TLK2: variants seen among roughly 807,000 people sequenced by gnomAD.
TLK2 encodes the protein serine/threonine-protein kinase tousled-like 2.
In TLK2, 6 loss-of-function variants were observed where a neutral mutation model predicts 117.3. That is an observed-to-expected ratio of 0.05 (90% CI 0.03 to 0.10). The LOEUF is 0.10. Ranked by LOEUF, TLK2 falls within the 10% of genes least tolerant of loss-of-function variation. TLK2 has a pLI of 1.00. For missense variants in TLK2, 299 were observed against 901.2 expected (o/e 0.33, Z 8.56); for synonymous variants, 257 against 316.7 (o/e 0.81, Z 2.00).
intron 2 of TLK2, among the ~76,000 whole-genome samples, chr17:62,518,715 A>C (rs1490618899): frequency 2.0e-5 from 3 of 152,130 alleles, no homozygotes; most frequent in Non-Finnish European, 2.9e-5. Context: ...CCAAAAAAAA[A>C]AGAAAGAAAG....
chr17:62,574,722 G>A (rs2080628466), intron 12 of TLK2, among the ~76,000 whole-genome samples: 1 of 152,074 alleles, frequency 6.6e-6, no homozygotes, highest in Non-Finnish European at 1.5e-5. Context: ...CTCCATGTTG[G>A]CCAGGCTGGT....
At chr17:62,483,949 C>T (rs2072014567) in intron 2 of TLK2, among the ~76,000 whole-genome samples, 1 of 152,102 alleles carries the variant, frequency 6.6e-6, no homozygotes, top group African/African-American at 2.4e-5. Context: ...CCTCAGCCTC[C>T]TGAGTAGCTG....
intron 7 of TLK2, among the ~76,000 whole-genome samples, chr17:62,545,315 C>G (rs2077823072): frequency 6.6e-6 from 1 of 152,146 alleles, no homozygotes; most frequent in South Asian, 2.1e-4. Context: ...AAGGTTTAAG[C>G]AAGTTTTAAA....
chr17:62,473,608 T>C (rs1371684914), intron 1 of TLK2, among the ~76,000 whole-genome samples: 1 of 152,098 alleles, frequency 6.6e-6, no homozygotes. Flanking sequence ...ATTCTGGGGG[T>C]GGGGCCCAGC....
intron 2 of TLK2, among the ~76,000 whole-genome samples, chr17:62,497,616 A>G (rs1409245844): frequency 1.3e-5 from 2 of 152,206 alleles, no homozygotes; most frequent in Admixed American, 6.5e-5. Context: ...GGTAAGTTTT[A>G]CTACAGGGAG....
At position 62,592,508 on chromosome 17, in the gene TLK2, T is replaced by C. The variant is rs141386466; in HGVS notation, c.1461-4077T>C. Among the ~76,000 whole-genome samples the C allele has an allele frequency of 3.6e-3, 548 of 152,322 alleles. 2 individuals carry two copies. Among genetic ancestry groups the C allele is most frequent in the African/African-American group, 0.012 (515 of 41,570 alleles). On this transcript the variant is annotated intron_variant, in intron 16 of 21. Coordinates refer to ENST00000346027, the MANE Select transcript of TLK2 (RefSeq NM_006852.6). The stretch of plus-strand genomic sequence containing the variant: ...TGCAAACATCACAGAGTGTACTTAA[T>C]GTAAGCTTAGATGGTATAGCCTACT...
chr17:62,484,589 C>T lies in TLK2; in HGVS notation c.81+3383C>T, dbSNP rs145042309. Among the ~76,000 whole-genome samples the T allele has an allele frequency of 3.8e-3, 576 of 152,100 alleles. 4 individuals carry two copies. Among genetic ancestry groups the T allele is most frequent in the African/African-American group, 0.013 (551 of 41,492 alleles). On this transcript the variant is annotated intron_variant, in intron 2 of 21. Transcript: ENST00000346027. ...CTGGGATTATAGGTGTGAGCCATCG[C>T]GCCCAGCCTTTGTATTACTTCTTTT...
chr17:62,601,055 G>T lies in TLK2; in HGVS notation c.1720+235G>T, dbSNP rs79786512. On this transcript the variant is annotated intron_variant, in intron 18 of 21. Transcript: ENST00000346027. Reference sequence around the variant, plus strand: ...CAATACCTTTATCTTTGGAGCCAGGGCAGTTCATGATGTAAGTCTCATTAA... The same window carrying T: ...CAATACCTTTATCTTTGGAGCCAGGTCAGTTCATGATGTAAGTCTCATTAA... Among the ~76,000 whole-genome samples the T allele has an allele frequency of 2.0e-5, 3 of 152,110 alleles. No individual in the cohort carries two copies. In the East Asian group the frequency reaches 5.8e-4, roughly 29 times the overall value.
intron 2 of TLK2, among the ~76,000 whole-genome samples, chr17:62,502,197 A>G (rs2074262494): frequency 6.6e-6 from 1 of 152,138 alleles, no homozygotes; most frequent in South Asian, 2.1e-4. Context: ...CTAGCAGTGA[A>G]TAAAACCATA....
At chr17:62,554,932 C>T (rs2078737285) in intron 9 of TLK2, among the ~76,000 whole-genome samples, 1 of 150,770 alleles carries the variant, frequency 6.6e-6, no homozygotes, top group South Asian at 2.1e-4. Context: ...ATGTGTCACT[C>T]ATAATTCCAT....
At chr17:62,541,333 C>T (rs2077518743) in intron 7 of TLK2, among the ~76,000 whole-genome samples, 1 of 152,142 alleles carries the variant, frequency 6.6e-6, no homozygotes, top group South Asian at 2.1e-4. Flanking sequence ...CTCTAATGCC[C>T]AGAACGGGAC....
intron 7 of TLK2, among the ~76,000 whole-genome samples, chr17:62,539,625 G>A (rs967850567): frequency 1.3e-5 from 2 of 151,938 alleles, no homozygotes; most frequent in African/African-American, 2.4e-5. Context: ...GAGTACAGGC[G>A]TTGGCTACCA....
intron 12 of TLK2, chr17:62,574,416 A>G (rs780493295): frequency 3.3e-6 from 4 of 1,222,256 alleles, no homozygotes; most frequent in South Asian, 2.6e-5. Flanking sequence ...CTTAGGTGAG[A>G]TGAACAGACG....
At chr17:62,506,074 T>C (rs2074663590) in intron 2 of TLK2, among the ~76,000 whole-genome samples, 2 of 152,238 alleles carry the variant, frequency 1.3e-5, no homozygotes, top group Admixed American at 6.5e-5. Flanking sequence ...CTTGGAAATA[T>C]GTAATTTAGA....
chr17:62,591,216 CCCAGCCTGGGCG>C (rs2082056516), intron 16 of TLK2, among the ~76,000 whole-genome samples: 2 of 151,920 alleles, frequency 1.3e-5, no homozygotes, highest in South Asian at 4.2e-4. Flanking sequence ...ACCACTGCAC[CCCAGCCTGGGCG>C]CCAGAGCAAG....
intron 2 of TLK2, among the ~76,000 whole-genome samples, chr17:62,499,602 C>T (rs200880148): frequency 4.6e-5 from 7 of 151,978 alleles, no homozygotes; most frequent in Non-Finnish European, 8.8e-5. Flanking sequence ...GTAATCCTAG[C>T]ACTTTGGGAG....
At chr17:62,550,262 TGA>T (rs2078347525) in intron 7 of TLK2, 1 of 152,302 alleles carries the variant, frequency 6.6e-6, no homozygotes, top group African/African-American at 2.4e-5. Flanking sequence ...ATTACAGACA[TGA>T]GCCACTGTGC....
chr17:62,589,839 C>T (rs1209403965), intron 16 of TLK2, among the ~76,000 whole-genome samples: 1 of 151,934 alleles, frequency 6.6e-6, no homozygotes, highest in East Asian at 2.0e-4. Context: ...CAGAGTCTCA[C>T]TCTGTTGCCC....
chr17:62,479,039 C>G lies in TLK2; in HGVS notation c.-257C>G, dbSNP rs2071273883. 6.6e-6 allele frequency: 1 copy of G among 150,434 alleles called. No individual in the cohort carries two copies. 9.3% of individuals were successfully genotyped at this position (150,434 alleles called of 1,614,324 possible). The stretch of plus-strand genomic sequence containing the variant: ...CCGCGCCCCCCGCGGCCGCCCGGGC[C>G]CGGGCCCGCGTCGGGCGCCTGGCTC... On this transcript the variant is annotated 5_prime_UTR_variant, in exon 1 of 22. Coordinates refer to ENST00000346027, the MANE Select transcript of TLK2 (RefSeq NM_006852.6).
Sources: gnomAD v4.1 joint callset for allele counts (sites outside exome capture counted in the v4.1 genomes callset) on GRCh38, gnomAD v4.1.1 for gene constraint, MANE v1.5 for transcripts, NCBI Gene and HGNC (gene_info 2026-07-23, HGNC 2026-07-21) for gene names.